The following VIPR2 variants were observed in gnomAD, a reference collection of about 807,000 sequenced individuals.
The protein encoded by VIPR2 is vasoactive intestinal polypeptide receptor 2.
In VIPR2, 48 loss-of-function variants were observed where a neutral mutation model predicts 58.0. The ratio of observed to expected loss-of-function variants is 0.83; its 90% CI spans 0.66 to 1.05. The LOEUF (loss-of-function observed/expected upper bound fraction) is 1.05. Among genes scored for constraint, VIPR2 ranks in the 50% least tolerant of loss-of-function variants. VIPR2 has a pLI of 0.00. For missense variants in VIPR2, 534 were observed against 558.0 expected (o/e 0.96, Z 0.43); for synonymous variants, 243 against 235.2 (o/e 1.03, Z -0.30).
At chr7:159,137,683 C>T (rs1797287271) in intron 2 of VIPR2, among the ~76,000 whole-genome samples, 2 of 152,190 alleles carry the variant, frequency 1.3e-5, no homozygotes, top group Admixed American at 6.5e-5. Context: ...AAAGACATTA[C>T]TTTAAGACTG....
chr7:159,035,847 G>A lies in VIPR2; in HGVS notation c.809+105C>T, dbSNP rs542873895. On this transcript the variant is annotated intron_variant, in intron 8 of 12. Transcript: ENST00000262178. ...GCGTGGCTGTCGGTTGGCCGCAAAC[G>A]CTCCCTGTCCTTCCAACCAGGTAAC... 47 of 1,483,462 alleles carry A rather than the reference G, an allele frequency of 3.2e-5. 1 individual carries two copies. Among genetic ancestry groups the A allele is most frequent in the South Asian group, 2.4e-4 (17 of 71,702 alleles). 91.9% of individuals were successfully genotyped at this position (1,483,462 alleles called of 1,614,324 possible). A position where few individuals can be genotyped will look rare whatever the true frequency, so the allele number is the denominator to read the frequency against.
At chr7:159,058,382 GCA>G in intron 5 of VIPR2, 97 bp downstream of exon 5, 1 of 922,790 alleles carries the variant, frequency 1.1e-6, no homozygotes, top group Non-Finnish European at 1.8e-6. Context: ...TATTGGCTTA[GCA>G]CACAGAGGGC....
chr7:159,132,944 CAGATTGATTT>C (rs1797023919), intron 2 of VIPR2, among the ~76,000 whole-genome samples: 1 of 146,996 alleles, frequency 6.8e-6, no homozygotes, highest in Non-Finnish European at 1.5e-5. Flanking sequence ...GATTGGCATA[CAGATTGATTT>C]CAGACAGAAT....
intron 2 of VIPR2, among the ~76,000 whole-genome samples, chr7:159,134,291 G>A (rs1432306373): frequency 2.6e-5 from 4 of 152,080 alleles, no homozygotes; most frequent in African/African-American, 9.7e-5. Context: ...TAAGGATTAA[G>A]AATTTGAATT....
intron 4 of VIPR2, among the ~76,000 whole-genome samples, chr7:159,065,073 G>A (rs949276871): frequency 4.6e-5 from 7 of 152,164 alleles, no homozygotes; most frequent in African/African-American, 9.7e-5. Flanking sequence ...ATCACAACAC[G>A]GTGTTGGAAC....
chr7:159,144,751 G>C lies in VIPR2; in HGVS notation c.21C>G (p.Pro7=), dbSNP rs888907509. 1.5e-5 allele frequency: 20 copies of C among 1,292,786 alleles called. No homozygotes were observed. Among genetic ancestry groups the C allele is most frequent in the Admixed American group, 8.3e-5 (2 of 24,066 alleles). 80.1% of individuals were successfully genotyped at this position (1,292,786 alleles called of 1,614,324 possible). The change falls in exon 1 of 13, where the codon CCC becomes CCG. Residue 7 remains proline (P), a synonymous_variant. Coordinates refer to ENST00000262178, the MANE Select transcript of VIPR2 (RefSeq NM_003382.5). ...CGAGCAGCCAGCAGGTCAGCAGCGC[G>C]GGAGGCAGCAGCGTCCGCATCCCGA... MRTLLP[P]ALLTCWLLAP...
chr7:159,030,748 C>G lies in VIPR2; in HGVS notation c.1185G>C (p.Pro395=). Residue 395 remains proline (P), a synonymous_variant, in exon 13 of 13, where the codon CCG becomes CCC. Coordinates refer to ENST00000262178, the MANE Select transcript of VIPR2 (RefSeq NM_003382.5). ...ELKRKWRSRC[P]TPSASRDYRV... ...TGTAATCCCGGCTCGCGGACGGGGTCGGGCACCGGCTTCGCCATTTTCGCT... is the reference window on the plus strand; with the variant it reads ...TGTAATCCCGGCTCGCGGACGGGGTGGGGCACCGGCTTCGCCATTTTCGCT... 1 of 1,589,258 alleles carries G rather than the reference C, an allele frequency of 6.3e-7. No homozygotes were observed. Among genetic ancestry groups the G allele is most frequent in the East Asian group, 2.3e-5 (1 of 43,298 alleles).
chr7:159,101,375 G>A (rs1465577722), intron 4 of VIPR2, among the ~76,000 whole-genome samples: 43 of 137,418 alleles, frequency 3.1e-4, no homozygotes, highest in Non-Finnish European at 6.0e-4. Flanking sequence ...CACGAGATCC[G>A]ACGAGGCGGT....
At chr7:159,092,965 T>A (rs1317238459) in intron 4 of VIPR2, among the ~76,000 whole-genome samples, 1 of 152,216 alleles carries the variant, frequency 6.6e-6, no homozygotes, top group Non-Finnish European at 1.5e-5. Flanking sequence ...GTGACTGTTG[T>A]TACCCACACA....
At chr7:159,094,321 C>T (rs148492390) in intron 4 of VIPR2, among the ~76,000 whole-genome samples, 1 of 152,328 alleles carries the variant, frequency 6.6e-6, no homozygotes, top group Non-Finnish European at 1.5e-5. Flanking sequence ...ATCATTTAGA[C>T]ACAGGCCAGA....
At chr7:159,085,896 G>A (rs958289297) in intron 4 of VIPR2, among the ~76,000 whole-genome samples, 2 of 152,148 alleles carry the variant, frequency 1.3e-5, no homozygotes, top group African/African-American at 4.8e-5. Flanking sequence ...TCAGGTCAGC[G>A]AGGACGACCC....
At chr7:159,121,331 C>G (rs571946761) in intron 2 of VIPR2, among the ~76,000 whole-genome samples, 1 of 152,142 alleles carries the variant, frequency 6.6e-6, no homozygotes, top group Non-Finnish European at 1.5e-5. Context: ...CAGTCCTCTC[C>G]CTTCACAGGG....
Position 159,132,954 on chromosome 7 carries a change from T to TGAGA in VIPR2, c.151+9491_151+9492insTCTC, listed in dbSNP as rs1563355576. On this transcript the variant is annotated intron_variant, in intron 2 of 12. Transcript: ENST00000262178. ...AGAATGATTGGCATACAGATTGATT[T>TGAGA]CAGACAGAATGATTGGCATACCGAT... Among the ~76,000 whole-genome samples, 85 of 147,288 alleles carry TGAGA rather than the reference T, an allele frequency of 5.8e-4. 6 individuals are homozygous for TGAGA. Among genetic ancestry groups the TGAGA allele is most frequent in the Non-Finnish European group, 7.6e-4 (50 of 66,034 alleles).
intron 2 of VIPR2, chr7:159,117,026 G>T: frequency 2.7e-6 from 1 of 375,058 alleles, no homozygotes; most frequent in Non-Finnish European, 4.8e-6. Flanking sequence ...CCTTATCTAG[G>T]AAATGACTTT....
At chr7:159,118,572 G>C (rs1250558589) in intron 2 of VIPR2, among the ~76,000 whole-genome samples, 2 of 152,208 alleles carry the variant, frequency 1.3e-5, no homozygotes, top group African/African-American at 2.4e-5. Context: ...GGAAGGAAGA[G>C]AGAAATGGAA....
rs1157356064 is a variant in VIPR2, at chr7:159,097,059, C to T, written c.357+6698G>A. On this transcript the variant is annotated intron_variant, in intron 4 of 12. Coordinates refer to ENST00000262178, the MANE Select transcript of VIPR2 (RefSeq NM_003382.5). The surrounding 1 kb of genome is among the most constrained non-coding windows in gnomAD (Gnocchi z 5.3). ...CTCTGGGGGTCTCTGGCAGGCTCCT[C>T]CTGGCACCCTGGGAGGCTGGTGTGT... 2 of 1,546,462 alleles carry T rather than the reference C, an allele frequency of 1.3e-6. No homozygotes were observed. The highest frequency in any genetic ancestry group is 3.9e-5 in the Admixed American group (2 of 50,798).
intron 3 of VIPR2, among the ~76,000 whole-genome samples, chr7:159,106,698 G>C (rs1344395598): frequency 7.1e-6 from 1 of 139,924 alleles, no homozygotes; most frequent in Non-Finnish European, 1.5e-5. Context: ...GAGAGGCCAG[G>C]GAGGGGCAGA....
At chr7:159,044,972 C>T (rs770410446) in intron 5 of VIPR2, among the ~76,000 whole-genome samples, 7 of 152,074 alleles carry the variant, frequency 4.6e-5, no homozygotes, top group Admixed American at 2.0e-4. Flanking sequence ...GGTTTCGCAA[C>T]GTTGGCTAGG....
At chr7:159,057,602 C>T (rs1038346794) in intron 5 of VIPR2, among the ~76,000 whole-genome samples, 8 of 152,094 alleles carry the variant, frequency 5.3e-5, no homozygotes, top group Non-Finnish European at 1.0e-4. Context: ...GCAAACATTT[C>T]GATTACATTT....
Sources: gnomAD v4.1 joint callset for allele counts (sites outside exome capture counted in the v4.1 genomes callset) on GRCh38, gnomAD v4.1.1 for gene constraint, Gnocchi (gnomAD v3.1) non-coding constraint, MANE v1.5 for transcripts, NCBI Gene and HGNC (gene_info 2026-07-23, HGNC 2026-07-21) for gene names.